Variants in PRKG1 observed in about 807,000 individuals in gnomAD.
PRKG1 encodes the protein protein kinase cGMP-dependent 1.
In PRKG1, 35 loss-of-function variants were observed where a neutral mutation model predicts 88.1. The observed-to-expected ratio is 0.40, with a 90% CI of 0.30 to 0.53. The LOEUF (loss-of-function observed/expected upper bound fraction) is 0.53. Ranked by LOEUF, PRKG1 falls within the 20% of genes least tolerant of loss-of-function variation. The pLI is 0.59. For synonymous variants in PRKG1, 303 were observed against 292.5 expected, an observed-to-expected ratio of 1.04 and a Z score of -0.37; for missense variants, 540 against 839.8, an observed-to-expected ratio of 0.64 and a Z score of 4.41.
intron 3 of PRKG1, among the ~76,000 whole-genome samples, chr10:51,538,535 A>C (rs1327161736): frequency 9.2e-6 from 1 of 108,182 alleles, no homozygotes; most frequent in Non-Finnish European, 1.9e-5. Context: ...AGTAATAGAG[A>C]ACCAGTTTGA....
chr10:51,478,328 T>C (rs1236864411), intron 3 of PRKG1, among the ~76,000 whole-genome samples: 1 of 152,124 alleles, frequency 6.6e-6, no homozygotes, highest in Non-Finnish European at 1.5e-5. Context: ...GTTCAATTTA[T>C]CTGTCTTCTT....
At chr10:51,255,001 A>G (rs978511332) in intron 2 of PRKG1, among the ~76,000 whole-genome samples, 39 of 152,062 alleles carry the variant, frequency 2.6e-4, no homozygotes, top group African/African-American at 2.4e-5. Context: ...TTTCTCAACT[A>G]TGGATGTAAG....
At chr10:51,092,399 C>T (rs1348280963) in intron 1 of PRKG1, among the ~76,000 whole-genome samples, 1 of 152,092 alleles carries the variant, frequency 6.6e-6, no homozygotes, top group Admixed American at 6.6e-5. Flanking sequence ...GGTTCTTGTG[C>T]CACTGAGGCT....
At chr10:52,004,388 A>G (rs1350487349) in intron 5 of PRKG1, among the ~76,000 whole-genome samples, 1 of 152,222 alleles carries the variant, frequency 6.6e-6, no homozygotes, top group Non-Finnish European at 1.5e-5. Flanking sequence ...CCTAAAATAT[A>G]TTAAAACAAG....
chr10:51,714,812 A>G (rs1841847227), intron 3 of PRKG1, among the ~76,000 whole-genome samples: 1 of 152,228 alleles, frequency 6.6e-6, no homozygotes, highest in South Asian at 2.1e-4. Context: ...ATATATTAAC[A>G]GTGAATTAGA....
intron 2 of PRKG1, among the ~76,000 whole-genome samples, chr10:51,360,331 GCTTT>G (rs1288358116): frequency 6.6e-6 from 1 of 151,838 alleles, no homozygotes; most frequent in Non-Finnish European, 1.5e-5. Context: ...GCACATAGGG[GCTTT>G]CTAATTCTAA....
intron 4 of PRKG1, among the ~76,000 whole-genome samples, chr10:51,851,156 A>G (rs1047601872): frequency 6.6e-6 from 1 of 152,186 alleles, no homozygotes; most frequent in Non-Finnish European, 1.5e-5. Context: ...GCAAAAGGTA[A>G]TATGCTACCT....
chr10:51,166,116 A>G (rs557760208), intron 2 of PRKG1, among the ~76,000 whole-genome samples: 1 of 151,702 alleles, frequency 6.6e-6, no homozygotes, highest in Non-Finnish European at 1.5e-5. Flanking sequence ...GTCTTGTTTT[A>G]GAATATTTAA....
At chr10:51,383,576 G>A (rs776094897) in intron 2 of PRKG1, among the ~76,000 whole-genome samples, 7 of 152,170 alleles carry the variant, frequency 4.6e-5, no homozygotes, top group Non-Finnish European at 8.8e-5. Flanking sequence ...CTGTGGAGCT[G>A]AGATTTGAAT....
intron 3 of PRKG1, among the ~76,000 whole-genome samples, chr10:51,509,338 G>A (rs1396235907): frequency 6.6e-6 from 1 of 152,114 alleles, no homozygotes; most frequent in African/African-American, 2.4e-5. Flanking sequence ...GTGTTACATG[G>A]GGGAATCATC....
At chr10:51,478,692 A>G (rs1840270425) in intron 3 of PRKG1, among the ~76,000 whole-genome samples, 1 of 151,952 alleles carries the variant, frequency 6.6e-6, no homozygotes, top group Non-Finnish European at 1.5e-5. Flanking sequence ...ACACACAACC[A>G]ATAAAAGTTA....
chr10:51,009,823 C>T (rs999979204), intron 1 of PRKG1, among the ~76,000 whole-genome samples: 2 of 152,134 alleles, frequency 1.3e-5, no homozygotes, highest in African/African-American at 2.4e-5. Flanking sequence ...AATATGGAAT[C>T]GTACTTTTGG....
intron 5 of PRKG1, among the ~76,000 whole-genome samples, chr10:51,958,152 T>C (rs753541444): frequency 2.0e-5 from 3 of 152,216 alleles, no homozygotes; most frequent in Non-Finnish European, 2.9e-5. Flanking sequence ...TGTACACTTA[T>C]TGTGATACAA....
intron 5 of PRKG1, among the ~76,000 whole-genome samples, chr10:51,959,134 T>G (rs945215160): frequency 6.6e-6 from 1 of 152,182 alleles, no homozygotes; most frequent in Non-Finnish European, 1.5e-5. Context: ...TAGACATAAT[T>G]TATTTCAGGT....
intron 2 of PRKG1, among the ~76,000 whole-genome samples, chr10:51,438,221 A>G (rs1838995694): frequency 6.6e-6 from 1 of 151,850 alleles, no homozygotes; most frequent in Non-Finnish European, 1.5e-5. Flanking sequence ...GTGAAGAATT[A>G]CGGAATTCCC....
intron 1 of PRKG1, among the ~76,000 whole-genome samples, chr10:51,019,562 G>A (rs1589109869): frequency 6.6e-6 from 1 of 151,966 alleles, no homozygotes; most frequent in East Asian, 1.9e-4. Flanking sequence ...AACATATGGG[G>A]AAAGCTTCAA....
At position 51,458,081 on chromosome 10, in the gene PRKG1, A is replaced by G. The variant is rs537779946; in HGVS notation, c.479-9642A>G. On this transcript the variant is annotated intron_variant, in intron 2 of 17. Transcript: ENST00000373980. Reference sequence around the variant, plus strand: ...TTAGTTTGTTCTTTGTTTTAAAACAATGTGCAGGTAGATAAGTGCTTGTTG... The same window carrying G: ...TTAGTTTGTTCTTTGTTTTAAAACAGTGTGCAGGTAGATAAGTGCTTGTTG... 1.2e-4 allele frequency among the ~76,000 whole-genome samples: 18 copies of G among 152,286 alleles called. No homozygotes were observed. The South Asian group carries it at 3.3e-3, about 28-fold the overall frequency.
In PRKG1 at chr10:51,040,232, TTGTGTG is replaced by T. The variant is rs373057468; in HGVS notation, c.266+48623_266+48628del. Among the ~76,000 whole-genome samples the T allele has an allele frequency of 1.2e-3, 138 of 117,836 alleles. No individual in the cohort carries two copies. The East Asian group carries it at 0.012, about 11-fold the overall frequency. The allele number at this position is 117,836 out of a possible 152,430, so 77.3% of individuals were successfully genotyped here. A position where few individuals can be genotyped will look rare whatever the true frequency, so the allele number is the denominator to read the frequency against. ...AACACAGAATATCTTTCCATTCCAT[TTGTGTG>T]TGTGTGTGTGTGTGTGTGTGTGTGT... On this transcript the variant is annotated intron_variant, in intron 1 of 17. Coordinates refer to the PRKG1 transcript ENST00000401604.
intron 2 of PRKG1, among the ~76,000 whole-genome samples, chr10:51,294,909 CA>C (rs1840678313): frequency 2.0e-5 from 3 of 152,016 alleles, no homozygotes; most frequent in South Asian, 4.2e-4. Flanking sequence ...TCTGTCTCTT[CA>C]AAAAAATTTG....
Sources: gnomAD v4.1 joint callset for allele counts (sites outside exome capture counted in the v4.1 genomes callset) on GRCh38, gnomAD v4.1.1 for gene constraint, MANE v1.5 for transcripts, NCBI Gene and HGNC (gene_info 2026-07-23, HGNC 2026-07-21) for gene names.